The following PCDH7 variants were observed in gnomAD, a reference collection of about 807,000 sequenced individuals.
The protein encoded by PCDH7 is protocadherin 7.
Under a neutral mutation model 58.9 loss-of-function variants are expected in PCDH7, and 17 were observed. The observed-to-expected ratio is 0.29, with a 90% CI of 0.20 to 0.43. The LOEUF (loss-of-function observed/expected upper bound fraction) is 0.43. Ranked by LOEUF, PCDH7 falls within the 20% of genes least tolerant of loss-of-function variation. The probability of loss-of-function intolerance (pLI) is 1.00; values close to 1 mark genes in which losing one functional copy is unlikely to be tolerated. For synonymous variants in PCDH7, 664 were observed against 616.4 expected (o/e 1.08, Z -1.14); for missense variants, 1,274 against 1,441.0 (o/e 0.88, Z 1.88).
intron 3 of PCDH7, among the ~76,000 whole-genome samples, chr4:31,008,710 C>G (rs1185612936): frequency 1.3e-5 from 2 of 152,094 alleles, no homozygotes; most frequent in African/African-American, 4.8e-5. Context: ...ATTCTAACTC[C>G]TATACCCACA....
chr4:30,968,359 C>CTATATA (rs530040471), intron 3 of PCDH7, among the ~76,000 whole-genome samples: 1 of 82,274 alleles, frequency 1.2e-5, no homozygotes, highest in African/African-American at 6.7e-5. Flanking sequence ...TATACACACA[C>CTATATA]TATATATATA....
chr4:30,914,545 A>G (rs977058588), intron 1 of PCDH7, among the ~76,000 whole-genome samples: 2 of 152,236 alleles, frequency 1.3e-5, no homozygotes, highest in Non-Finnish European at 2.9e-5. Flanking sequence ...ATTTAGGAAA[A>G]TAAAATTTTA....
intron 3 of PCDH7, among the ~76,000 whole-genome samples, chr4:31,024,815 C>T (rs1243060842): frequency 4.6e-5 from 7 of 152,114 alleles, no homozygotes; most frequent in Non-Finnish European, 1.0e-4. Flanking sequence ...GATCTCCACT[C>T]GCTGCAACCT....
chr4:30,775,896 CA>C (rs929767863), intron 1 of PCDH7, among the ~76,000 whole-genome samples: 175 of 145,540 alleles, frequency 1.2e-3, no homozygotes, highest in African/African-American at 3.9e-3. Context: ...AACTCCATTG[CA>C]AAAAAAAAAG....
intron 3 of PCDH7, among the ~76,000 whole-genome samples, chr4:31,141,113 G>A (rs1720199189): frequency 6.6e-6 from 1 of 152,286 alleles, no homozygotes; most frequent in Middle Eastern, 3.4e-3. Context: ...CAAGTAAAAC[G>A]TCTAAAATAT....
At chr4:30,776,035 A>G (rs1188769678) in intron 1 of PCDH7, among the ~76,000 whole-genome samples, 2 of 152,336 alleles carry the variant, frequency 1.3e-5, no homozygotes, top group Admixed American at 6.5e-5. Flanking sequence ...ATAGACATGA[A>G]CTAAGGAAGA....
chr4:30,983,460 A>G (rs1173632452), intron 3 of PCDH7, among the ~76,000 whole-genome samples: 2 of 152,242 alleles, frequency 1.3e-5, no homozygotes, highest in African/African-American at 2.4e-5. Context: ...CAAATCAACT[A>G]TACCATTTGT....
Position 30,777,738 on chromosome 4 carries a change from G to A in PCDH7, c.70+53142G>A, listed in dbSNP as rs183926366. On this transcript the variant is annotated intron_variant, in intron 1 of 3. Coordinates refer to the PCDH7 transcript ENST00000509759. ...TTGTGAAACAACTTTCATTTACTAC[G>A]TTACATTTATTAATTCTATGTTCAC... Among the ~76,000 whole-genome samples the A allele has an allele frequency of 5.3e-4, 81 of 152,102 alleles. 2 individuals are homozygous for A. The South Asian group carries it at 7.5e-3, about 14-fold the overall frequency.
exon 4 of PCDH7, chr4:31,142,742 T>C (rs1220842309): frequency 2.2e-6 from 3 of 1,367,418 alleles, no homozygotes; most frequent in Non-Finnish European, 2.9e-6. Context: ...TGCAGCTAGT[T>C]TCAGCAAAAA....
At chr4:30,953,628 G>T (rs1294422734) in intron 3 of PCDH7, among the ~76,000 whole-genome samples, 1 of 151,792 alleles carries the variant, frequency 6.6e-6, no homozygotes, top group East Asian at 1.9e-4. Flanking sequence ...TTTGTTAAAG[G>T]TGTGGTTTGT....
chr4:30,884,758 G>A (rs2109374965), intron 1 of PCDH7: 1 of 152,242 alleles, frequency 6.6e-6, no homozygotes, highest in Admixed American at 6.6e-5. Flanking sequence ...CAAACAAAAA[G>A]TCTCACCCTG....
At chr4:30,995,668 A>G (rs1751837843) in intron 3 of PCDH7, among the ~76,000 whole-genome samples, 1 of 152,166 alleles carries the variant, frequency 6.6e-6, no homozygotes, top group Admixed American at 6.5e-5. Context: ...AACTAGAATC[A>G]AGGTGTCAGT....
chr4:30,754,000 C>T (rs1718925116), intron 1 of PCDH7, among the ~76,000 whole-genome samples: 1 of 152,180 alleles, frequency 6.6e-6, no homozygotes, highest in East Asian at 1.9e-4. Flanking sequence ...CATAACAGCA[C>T]TGTATACTTT....
intron 3 of PCDH7, among the ~76,000 whole-genome samples, chr4:30,962,807 A>C (rs1023474610): frequency 7.3e-6 from 1 of 136,400 alleles, no homozygotes; most frequent in Admixed American, 7.7e-5. Context: ...AAAAAAAAAC[A>C]GTGGTAATTC....
chr4:30,930,649 A>T (rs1744457086), intron 2 of PCDH7, among the ~76,000 whole-genome samples: 1 of 152,160 alleles, frequency 6.6e-6, no homozygotes, highest in Non-Finnish European at 1.5e-5. Flanking sequence ...AAACAAAATC[A>T]GGCTGGGCAA....
At chr4:31,016,412 T>C (rs1753603289) in intron 3 of PCDH7, among the ~76,000 whole-genome samples, 1 of 151,690 alleles carries the variant, frequency 6.6e-6, no homozygotes, top group Non-Finnish European at 1.5e-5. Context: ...TTTTTTTTTT[T>C]TGCAGAACAT....
intron 3 of PCDH7, among the ~76,000 whole-genome samples, chr4:30,994,048 AT>A (rs1751679285): frequency 7.0e-6 from 1 of 143,668 alleles, no homozygotes; most frequent in Non-Finnish European, 1.5e-5. Flanking sequence ...CAATACAGTT[AT>A]TTTATGTAGA....
chr4:30,810,166 C>G (rs1726787865), intron 1 of PCDH7, among the ~76,000 whole-genome samples: 1 of 152,098 alleles, frequency 6.6e-6, no homozygotes, highest in African/African-American at 2.4e-5. Context: ...GTTCCATTAG[C>G]ACAGATGTTC....
chr4:31,097,626 ATATATATAT>A lies in PCDH7; in HGVS notation c.*8-44846_*8-44838del, dbSNP rs1188315940. On this transcript the variant is annotated intron_variant, in intron 3 of 3. Coordinates refer to the PCDH7 transcript ENST00000509759. ...TATATATATATATATATATATATATATATATATATATAAATCTTTTTTCTGTAATTTCTG... is the reference window on the plus strand; with the variant it reads ...TATATATATATATATATATATATATAATAAATCTTTTTTCTGTAATTTCTG... 8.8e-3 allele frequency among the ~76,000 whole-genome samples: 377 copies of A among 42,714 alleles called. 16 individuals carry two copies. Among genetic ancestry groups the A allele is most frequent in the South Asian group, 0.03 (20 of 670 alleles). The allele number at this position is 42,714 out of a possible 152,430, so 28.0% of individuals were successfully genotyped here. A position where few individuals can be genotyped will look rare whatever the true frequency, so the allele number is the denominator to read the frequency against.
Sources: allele counts gnomAD v4.1 joint callset (sites outside exome capture counted in the v4.1 genomes callset), GRCh38; gene constraint gnomAD v4.1.1; transcripts MANE v1.5; gene names NCBI Gene and HGNC (gene_info 2026-07-23, HGNC 2026-07-21).